CTNNA2: variants seen among roughly 807,000 people sequenced by gnomAD.
CTNNA2 encodes the protein catenin alpha 2, also known as catenin alpha-2.
Under a neutral mutation model 101.0 loss-of-function variants are expected in CTNNA2, and 42 were observed. The ratio of observed to expected loss-of-function variants is 0.42; its 90% CI spans 0.32 to 0.54. CTNNA2 has a LOEUF of 0.54. Among genes scored for constraint, CTNNA2 ranks in the 20% least tolerant of loss-of-function variants. The pLI, the probability that CTNNA2 is intolerant of heterozygous loss-of-function variation, is 0.14. For synonymous variants in CTNNA2, 450 were observed against 456.4 expected (o/e 0.99, Z 0.18); for missense variants, 871 against 1,223.1 (o/e 0.71, Z 4.29).
At chr2:79,863,596 ATAATTCTTAAC>A (rs1176280202) in intron 4 of CTNNA2, among the ~76,000 whole-genome samples, 3 of 152,234 alleles carry the variant, frequency 2.0e-5, no homozygotes, top group Middle Eastern at 3.2e-3. Context: ...GAACATTTAA[ATAATTCTTAAC>A]ACTAATAGCA....
intron 1 of CTNNA2, among the ~76,000 whole-genome samples, chr2:79,192,934 A>T (rs1056868669): frequency 2.6e-5 from 4 of 152,146 alleles, no homozygotes; most frequent in African/African-American, 9.7e-5. Context: ...GTACACTTGA[A>T]TTCTGTTTAC....
intron 7 of CTNNA2, among the ~76,000 whole-genome samples, chr2:80,301,020 G>C (rs1056715143): frequency 1.1e-4 from 17 of 151,830 alleles, no homozygotes; most frequent in Admixed American, 7.2e-4. Flanking sequence ...TCTGTCCTGG[G>C]TTAACAAATT....
At chr2:80,071,909 T>A (rs1698369616) in intron 7 of CTNNA2, among the ~76,000 whole-genome samples, 1 of 152,184 alleles carries the variant, frequency 6.6e-6, no homozygotes, top group South Asian at 2.1e-4. Flanking sequence ...TAGTAAAGTT[T>A]ATCTCCTGCA....
intron 3 of CTNNA2, among the ~76,000 whole-genome samples, chr2:79,758,774 T>A (rs1048591561): frequency 1.3e-5 from 2 of 152,236 alleles, no homozygotes; most frequent in African/African-American, 4.8e-5. Flanking sequence ...AAGGACATAA[T>A]TTCATTCTTT....
chr2:79,289,762 A>G (rs1363720013), intron 2 of CTNNA2, among the ~76,000 whole-genome samples: 3 of 152,168 alleles, frequency 2.0e-5, no homozygotes, highest in African/African-American at 7.2e-5. Context: ...GAAATAGAAA[A>G]GAAAAGAATG....
At chr2:79,412,133 C>T (rs1288523828) in intron 4 of CTNNA2, among the ~76,000 whole-genome samples, 1 of 151,946 alleles carries the variant, frequency 6.6e-6, no homozygotes, top group African/African-American at 2.4e-5. Context: ...CAACAAAGAT[C>T]AAAAGAGACA....
intron 4 of CTNNA2, among the ~76,000 whole-genome samples, chr2:79,427,706 G>T (rs1429988417): frequency 6.6e-6 from 1 of 151,312 alleles, no homozygotes; most frequent in South Asian, 2.1e-4. Flanking sequence ...ATAATATCCA[G>T]GGCATCTTAC....
chr2:80,249,597 G>T (rs1338642448), intron 7 of CTNNA2, among the ~76,000 whole-genome samples: 1 of 152,188 alleles, frequency 6.6e-6, no homozygotes, highest in Non-Finnish European at 1.5e-5. Flanking sequence ...AGAAGACATT[G>T]AGGCACAGTG....
At chr2:80,164,672 C>CCTTTCCTTTCCTTT (rs1349430487) in intron 7 of CTNNA2, among the ~76,000 whole-genome samples, 1 of 151,008 alleles carries the variant, frequency 6.6e-6, no homozygotes. Flanking sequence ...TCCTTTCTTA[C>CCTTTCCTTTCCTTT]CTTTCCTTTC....
intron 4 of CTNNA2, among the ~76,000 whole-genome samples, chr2:79,398,494 A>G (rs1573146769): frequency 6.6e-6 from 1 of 152,198 alleles, no homozygotes; most frequent in East Asian, 1.9e-4. Context: ...TTCCATTTAA[A>G]CAAATTTTTA....
intron 2 of CTNNA2, among the ~76,000 whole-genome samples, chr2:79,208,237 T>G (rs1674125982): frequency 6.6e-6 from 1 of 152,186 alleles, no homozygotes; most frequent in Non-Finnish European, 1.5e-5. Context: ...CCTGTGCATT[T>G]AGTATTTGCA....
At chr2:79,649,186 T>G (rs977956241) in intron 1 of CTNNA2, 3 of 154,698 alleles carry the variant, frequency 1.9e-5, no homozygotes, top group Non-Finnish European at 2.9e-5. Flanking sequence ...CCCAGCATTT[T>G]TGTGTCATGT....
chr2:79,757,679 G>A (rs1672488953), intron 3 of CTNNA2, among the ~76,000 whole-genome samples: 1 of 152,194 alleles, frequency 6.6e-6, no homozygotes, highest in Non-Finnish European at 1.5e-5. Context: ...GTCCACCCGA[G>A]AACACAGCCA....
intron 2 of CTNNA2, among the ~76,000 whole-genome samples, chr2:79,276,350 T>C (rs951987018): frequency 2.0e-5 from 3 of 152,154 alleles, no homozygotes; most frequent in Non-Finnish European, 4.4e-5. Context: ...CCTAATGTTA[T>C]GGTTTTGTCG....
chr2:79,538,555 C>T (rs1175165200), intron 1 of CTNNA2, among the ~76,000 whole-genome samples: 1 of 152,106 alleles, frequency 6.6e-6, no homozygotes, highest in Non-Finnish European at 1.5e-5. Context: ...GAGATATGGC[C>T]TTGCTATCGA....
chr2:80,443,333 A>G (rs1574053064), intron 9 of CTNNA2, among the ~76,000 whole-genome samples: 5 of 152,246 alleles, frequency 3.3e-5, no homozygotes, highest in Non-Finnish European at 5.9e-5. Context: ...TGACACAGCA[A>G]GGAAATCCAT....
intron 12 of CTNNA2, among the ~76,000 whole-genome samples, chr2:80,562,182 G>A (rs1056239080): frequency 3.7e-5 from 5 of 136,806 alleles, no homozygotes; most frequent in African/African-American, 1.3e-4. Context: ...ATTCAGACAG[G>A]GTTGACCATG....
At chr2:80,009,332 C>T (rs566341443) in intron 7 of CTNNA2, among the ~76,000 whole-genome samples, 10 of 152,290 alleles carry the variant, frequency 6.6e-5, no homozygotes, top group Middle Eastern at 3.4e-3. Context: ...CATTTTAAAG[C>T]ATAGCTTTCC....
intron 4 of CTNNA2, among the ~76,000 whole-genome samples, chr2:79,382,813 A>T (rs1180944363): frequency 6.6e-6 from 1 of 152,058 alleles, no homozygotes; most frequent in Non-Finnish European, 1.5e-5. Flanking sequence ...AGGGGGTTTC[A>T]CTGTGTTAGC....
Sources: allele counts gnomAD v4.1 joint callset (sites outside exome capture counted in the v4.1 genomes callset), GRCh38; gene constraint gnomAD v4.1.1; transcripts MANE v1.5; gene names NCBI Gene and HGNC (gene_info 2026-07-23, HGNC 2026-07-21).